CTU2: variants seen among roughly 807,000 people sequenced by gnomAD.
CTU2 encodes cytoplasmic tRNA 2-thiolation protein 2.
A neutral mutation model predicts 64.1 loss-of-function variants in CTU2; 80 were observed. The observed-to-expected ratio is 1.25, with a 90% CI of 1.04 to 1.50. The LOEUF (loss-of-function observed/expected upper bound fraction) is 1.50. Ranked by LOEUF, CTU2 falls within the 40% of genes most tolerant of loss-of-function variation. CTU2 has a pLI of 0.00. For synonymous variants in CTU2, 482 were observed against 285.3 expected (o/e 1.69, Z -6.95); for missense variants, 1,110 against 690.2 (o/e 1.61, Z -6.81).
At position 88,712,266 on chromosome 16, in the gene CTU2, T is replaced by G. The variant is rs774698468; in HGVS notation, c.344-8T>G. ...TGAGCCCTGACTCTTTCTGCCTGGGTTTTTCAGAGGGAGCAGCCTGTGGCC... is the reference window on the plus strand; with the variant it reads ...TGAGCCCTGACTCTTTCTGCCTGGGGTTTTCAGAGGGAGCAGCCTGTGGCC... On this transcript the variant is annotated splice_region_variant and splice_polypyrimidine_tract_variant and intron_variant, in intron 5 of 14. Coordinates refer to ENST00000453996, the MANE Select transcript of CTU2 (RefSeq NM_001012759.3). The G allele has an allele frequency of 6.3e-7, 1 of 1,589,588 alleles. No individual in the cohort carries two copies. The highest frequency in any genetic ancestry group is 8.6e-7 in the Non-Finnish European group (1 of 1,167,502).
intron 2 of CTU2, chr16:88,709,440 T>G: frequency 6.4e-6 from 1 of 155,526 alleles, no homozygotes; most frequent in East Asian, 1.9e-4. Flanking sequence ...GAGCCCTCGC[T>G]GTGGCCCACC....
chr16:88,709,889 T>C (rs4390574), intron 2 of CTU2, 49 bp from the exon 3 acceptor site: 1,364,585 of 1,536,390 alleles, frequency 0.89, 606,682 homozygotes, highest in Middle Eastern at 0.93. Flanking sequence ...AGGACGCTGC[T>C]CACTGTGCGG....
intron 9 of CTU2, 151 bp from the exon 10 acceptor site, chr16:88,713,985 G>A (rs968161689): frequency 1.2e-5 from 12 of 1,023,984 alleles, no homozygotes; most frequent in Non-Finnish European, 1.8e-5. Context: ...CACTGCTGAA[G>A]CGGGTTCTCT....
At chr16:88,710,713 C>T (rs543540178) in intron 4 of CTU2, 31 of 174,842 alleles carry the variant, frequency 1.8e-4, no homozygotes, top group Admixed American at 6.1e-4. Context: ...GCTCAACCTG[C>T]GTAGAAACAC....
rs145251953 is a variant in CTU2, at chr16:88,710,234, G to A, written c.234G>A (p.Ala78=). The change falls in exon 4 of 15, where the codon GCG becomes GCA. Residue 78 remains alanine, a synonymous_variant. Coordinates refer to ENST00000453996, the MANE Select transcript of CTU2 (RefSeq NM_001012759.3). ...LIFPGEKVLL[A]WSGGPSSSSM... ...TTTTTCTCCCCCAGGTGCTCTTGGC[G>A]TGGTCTGGGGGGCCTTCGTCCAGCT... is the stretch of plus-strand genomic sequence containing the variant. 4.1e-5 allele frequency: 66 copies of A among 1,614,096 alleles called. No homozygotes were observed. The highest frequency in any genetic ancestry group is 6.7e-5 in the Admixed American group (4 of 60,026).
intron 5 of CTU2, 194 bp from the exon 6 acceptor site, chr16:88,712,080 G>A (rs1478056597): frequency 1.4e-6 from 1 of 705,002 alleles, no homozygotes; most frequent in Non-Finnish European, 2.6e-6. Flanking sequence ...CTGGGGTGTT[G>A]ACTGTAGCGC....
chr16:88,707,121 C>T lies in CTU2; in HGVS notation c.69-15C>T, dbSNP rs1301849934. 5.6e-6 allele frequency: 9 copies of T among 1,612,770 alleles called. No individual in the cohort carries two copies. The highest frequency in any genetic ancestry group is 1.3e-5 in the African/African-American group (1 of 74,914). ...GATCTGTGTTTCTCTCTTCTCCCCC[C>T]TCCCATCTCCAAAGCCGTGAGCAGA... On this transcript the variant is annotated splice_polypyrimidine_tract_variant and intron_variant, in intron 1 of 14. Coordinates refer to ENST00000453996, the MANE Select transcript of CTU2 (RefSeq NM_001012759.3).
At chr16:88,710,123 T>C (rs2142712981) in intron 3 of CTU2, 100 bp from the exon 4 acceptor site, 1 of 1,579,542 alleles carries the variant, frequency 6.3e-7, no homozygotes, top group East Asian at 2.2e-5. Flanking sequence ...AGCTCCTCCT[T>C]GGCCTTTGAG....
In CTU2 at chr16:88,715,313, G is replaced by T. The variant is rs537787450; in HGVS notation, c.*62G>T. 2 of 1,543,224 alleles carry T rather than the reference G, an allele frequency of 1.3e-6. No homozygotes were observed. Among genetic ancestry groups the T allele is most frequent in the African/African-American group, 1.4e-5 (1 of 73,502 alleles). On this transcript the variant is annotated 3_prime_UTR_variant, in exon 15 of 15. Coordinates refer to ENST00000453996, the MANE Select transcript of CTU2 (RefSeq NM_001012759.3). The stretch of plus-strand genomic sequence containing the variant: ...CCACCTGGTACACCACACTGGAGCC[G>T]GAAGGCAAGGACGGGGGACTGGCCT...
chr16:88,715,203 C>T lies in CTU2; in HGVS notation c.1500C>T (p.Ile500=), dbSNP rs552203189. The change falls in exon 15 of 15, where the codon ATC becomes ATT. Residue 500 remains isoleucine (I), a synonymous_variant. Transcript: ENST00000453996. The part of the protein sequence containing the change: ...RTQRAWGLQE[I]RDCLIEDSDD... The stretch of plus-strand genomic sequence containing the variant: ...CTAGGGCCTGGGGCTTGCAGGAGAT[C>T]CGGGACTGTCTGATTGAGGACAGTG... 2 of 1,612,466 alleles carry T rather than the reference C, an allele frequency of 1.2e-6. No individual in the cohort carries two copies. Among genetic ancestry groups the T allele is most frequent in the African/African-American group, 1.3e-5 (1 of 75,014 alleles).
At chr16:88,710,536 C>A in intron 4 of CTU2, 3 of 490,074 alleles carry the variant, frequency 6.1e-6, no homozygotes, top group East Asian at 3.4e-5. Context: ...GTCCACAGCG[C>A]GTGTGTGCGG....
chr16:88,713,923 C>T (rs1271988986), intron 9 of CTU2, 145 bp downstream of exon 9: 2 of 1,238,932 alleles, frequency 1.6e-6, no homozygotes, highest in Non-Finnish European at 2.3e-6. Flanking sequence ...TCCTCTGAGC[C>T]CACCCTGTGC....
In CTU2 at chr16:88,714,480, G is replaced by T; in HGVS notation, c.1195G>T (p.Ala399Ser). ...LLCMCALDVD[A>S]ADSATAFGAQ... ...CTGCATGTGTGCCCTGGACGTCGAC[G>T]CCGCTGGTCTGTGTTTCATGCTCTT... The change falls in exon 11 of 15, where the codon GCC (alanine) becomes TCC (serine). Residue 399 changes from alanine (A) to serine (S), a missense_variant. Ala to Ser is a moderately conservative substitution (Grantham distance 99). Transcript: ENST00000453996. 6.2e-7 allele frequency: 1 copy of T among 1,612,626 alleles called. No individual in the cohort carries two copies. Among genetic ancestry groups the T allele is most frequent in the Non-Finnish European group, 8.5e-7 (1 of 1,179,878 alleles).
At chr16:88,707,290 T>G in intron 2 of CTU2, 80 bp downstream of exon 2, 1 of 1,278,822 alleles carries the variant, frequency 7.8e-7, no homozygotes, top group Non-Finnish European at 1.1e-6. Flanking sequence ...TGATGCTTTG[T>G]TAATTCTTTT....
In CTU2 at chr16:88,712,693, GGC is replaced by G. The variant is rs1171108629; in HGVS notation, c.527_528del (p.Ala176GlyfsTer47). On this transcript the variant is annotated frameshift_variant, in exon 7 of 15. Coordinates refer to ENST00000453996, the MANE Select transcript of CTU2 (RefSeq NM_001012759.3). LOFTEE classifies it high-confidence loss of function. ...ELVGSEGAYK[A>X]AVDSFLQQQH... Reference sequence around the variant, plus strand: ...TGGTGGGATCCGAGGGGGCCTACAAGGCGGCCGTGGACAGCTTCCTCCAGCAG... The same window carrying G: ...TGGTGGGATCCGAGGGGGCCTACAAGGGCCGTGGACAGCTTCCTCCAGCAG... 6.2e-7 allele frequency: 1 copy of G among 1,610,416 alleles called. No homozygotes were observed. The highest frequency in any genetic ancestry group is 1.3e-5 in the African/African-American group (1 of 74,826).
chr16:88,707,752 C>G (rs540064659), intron 2 of CTU2, among the ~76,000 whole-genome samples: 1 of 152,032 alleles, frequency 6.6e-6, no homozygotes, highest in Non-Finnish European at 1.5e-5. Context: ...GACCAGGTCT[C>G]TCTCCTTTTA....
intron 6 of CTU2, 37 bp from the exon 7 acceptor site, chr16:88,712,585 G>A (rs1393616725): frequency 6.3e-7 from 1 of 1,596,212 alleles, no homozygotes; most frequent in Non-Finnish European, 8.5e-7. Context: ...ACCTGCCCGT[G>A]TCCCGGGCCT....
chr16:88,711,166 C>T (rs997131423), intron 4 of CTU2, among the ~76,000 whole-genome samples: 2 of 152,154 alleles, frequency 1.3e-5, no homozygotes, highest in Non-Finnish European at 2.9e-5. Flanking sequence ...CCTGAACCTG[C>T]CAGGAGGGTG....
intron 3 of CTU2, 84 bp downstream of exon 3, chr16:88,710,100 G>A: frequency 1.3e-6 from 2 of 1,573,202 alleles, no homozygotes; most frequent in South Asian, 2.2e-5. Context: ...AGCCTGGCCT[G>A]CTGCAGCCCG....
Sources: gnomAD v4.1 joint callset for allele counts (sites outside exome capture counted in the v4.1 genomes callset) on GRCh38, gnomAD v4.1.1 for gene constraint, MANE v1.5 for transcripts, NCBI Gene and HGNC (gene_info 2026-07-23, HGNC 2026-07-21) for gene names.